GRIP2: variants seen among roughly 807,000 people sequenced by gnomAD.
GRIP2 encodes the protein glutamate receptor-interacting protein 2.
Under a neutral mutation model 108.3 loss-of-function variants are expected in GRIP2, and 58 were observed. The ratio of observed to expected loss-of-function variants is 0.54; its 90% CI spans 0.43 to 0.67. The LOEUF (loss-of-function observed/expected upper bound fraction) is 0.67. Among genes scored for constraint, GRIP2 ranks in the 30% least tolerant of loss-of-function variants. GRIP2 has a pLI of 0.00. For missense variants in GRIP2, 1,278 were observed against 1,430.6 expected (o/e 0.89, Z 1.72); for synonymous variants, 586 against 598.2 (o/e 0.98, Z 0.30).
In GRIP2 at chr3:14,521,729, C is replaced by T. The variant is rs547645503; in HGVS notation, c.625G>A (p.Gly209Arg). 65 of 1,610,280 alleles carry T rather than the reference C, an allele frequency of 4.0e-5. No individual in the cohort carries two copies. Among genetic ancestry groups the T allele is most frequent in the African/African-American group, 2.4e-4 (18 of 75,016 alleles). ...LLSVDGIPLH[G>R]ASHATALATL... ...GCCAGGGCGGTGGCATGGCTGGCCC[C>T]GTGCAGCGGGATTCCATCGACACTG... Residue 209 changes from glycine (G) to arginine (R), a missense_variant, in exon 7 of 24, where the codon GGG becomes AGG. By Grantham distance (125) the Gly-to-Arg change is moderately radical. Coordinates refer to ENST00000621039, the MANE Select transcript of GRIP2 (RefSeq NM_001080423.4). The surrounding 1 kb of genome is among the most constrained non-coding windows in gnomAD (Gnocchi z 5.1).
chr3:14,520,750 G>A (rs1355179188), intron 7 of GRIP2: 1 of 595,012 alleles, frequency 1.7e-6, no homozygotes, highest in Non-Finnish European at 2.9e-6. Flanking sequence ...GGAGGGGCAG[G>A]AGCTCAGGTC....
chr3:14,506,570 C>A (rs1693933212), intron 19 of GRIP2, among the ~76,000 whole-genome samples: 1 of 152,196 alleles, frequency 6.6e-6, no homozygotes. Context: ...CAGCATGGGA[C>A]CCATGGTTCT....
chr3:14,527,802 C>T (rs531058495), intron 1 of GRIP2, among the ~76,000 whole-genome samples: 11 of 151,996 alleles, frequency 7.2e-5, no homozygotes, highest in South Asian at 2.1e-4. Context: ...AGGCTGAGGC[C>T]GGAGAATCGC....
At chr3:14,592,015 G>A in the GRIP2 span, among the ~76,000 whole-genome samples, 2 of 152,286 alleles carry the variant, frequency 1.3e-5, no homozygotes, top group East Asian at 3.9e-4. Context: ...CTGATGTCTG[G>A]CACATAGCAG....
At chr3:14,497,255 T>C (rs6783212) in intron 21 of GRIP2, among the ~76,000 whole-genome samples, 122,685 of 152,236 alleles carry the variant, frequency 0.81, 49,966 homozygotes, top group African/African-American at 0.92. Context: ...GCGTGAGCCA[T>C]CATGCCCAGC....
the GRIP2 span, among the ~76,000 whole-genome samples, chr3:14,597,215 G>T: frequency 6.6e-6 from 1 of 152,210 alleles, no homozygotes; most frequent in Admixed American, 6.5e-5. Flanking sequence ...GTGTAAACAG[G>T]TGAAAACCAC....
chr3:14,545,728 C>T (rs113638665), upstream of GRIP2, among the ~76,000 whole-genome samples: 51 of 152,206 alleles, frequency 3.4e-4, no homozygotes, highest in African/African-American at 1.2e-3. Flanking sequence ...AGTGAATGAG[C>T]GAAACACCTA....
Position 14,493,457 on chromosome 3 carries a change from A to G in GRIP2, c.*208T>C, listed in dbSNP as rs1001441708. 5 of 601,814 alleles carry G rather than the reference A, an allele frequency of 8.3e-6. No individual in the cohort carries two copies. Among genetic ancestry groups the G allele is most frequent in the Non-Finnish European group, 1.4e-5 (5 of 359,452 alleles). The allele number at this position is 601,814 out of a possible 1,614,324, so 37.3% of individuals were successfully genotyped here. On this transcript the variant is annotated 3_prime_UTR_variant, in exon 24 of 24. Coordinates refer to ENST00000621039, the MANE Select transcript of GRIP2 (RefSeq NM_001080423.4). ...GAGACCCAACTTGGCGAGAGACCCCAGCTGTCACTCCAACTAGGGCAGGAC... is the reference window on the plus strand; with the variant it reads ...GAGACCCAACTTGGCGAGAGACCCCGGCTGTCACTCCAACTAGGGCAGGAC...
upstream of GRIP2, among the ~76,000 whole-genome samples, chr3:14,543,324 C>T (rs1695007992): frequency 6.6e-6 from 1 of 152,212 alleles, no homozygotes; most frequent in Admixed American, 6.5e-5. Context: ...TCAGGTGATG[C>T]ATATGAAGTT....
chr3:14,547,711 G>T (rs950245160), intron 1 of GRIP2, among the ~76,000 whole-genome samples: 2 of 152,160 alleles, frequency 1.3e-5, no homozygotes, highest in African/African-American at 4.8e-5. Context: ...CTCAGGGGCT[G>T]CTCTGACTGT....
chr3:14,541,459 C>G (rs920592726), upstream of GRIP2, among the ~76,000 whole-genome samples: 1 of 152,194 alleles, frequency 6.6e-6, no homozygotes, highest in African/African-American at 2.4e-5. Flanking sequence ...GAGGGCTGCC[C>G]GGTAGTTAGG....
the GRIP2 span, among the ~76,000 whole-genome samples, chr3:14,589,521 C>A: frequency 6.6e-6 from 1 of 152,024 alleles, no homozygotes; most frequent in Non-Finnish European, 1.5e-5. Context: ...CAGGCCAATC[C>A]CCTATAGACA....
At chr3:14,510,255 G>GTTTTTT (rs1559336891) in intron 16 of GRIP2, among the ~76,000 whole-genome samples, 5 of 124,586 alleles carry the variant, frequency 4.0e-5, no homozygotes, top group Non-Finnish European at 3.3e-5. Flanking sequence ...CCGATCATCC[G>GTTTTTT]TTGTTTTTTT....
At chr3:14,513,573 G>A in intron 13 of GRIP2, 92 bp downstream of exon 13, 4 of 1,441,566 alleles carry the variant, frequency 2.8e-6, no homozygotes, top group Non-Finnish European at 3.7e-6. Context: ...AGAGGGGGAT[G>A]GGGTGGAGCG....
chr3:14,547,961 CTT>C (rs749258392), intron 1 of GRIP2, among the ~76,000 whole-genome samples: 4 of 152,186 alleles, frequency 2.6e-5, no homozygotes, highest in Non-Finnish European at 4.4e-5. Flanking sequence ...GTCAGTATCT[CTT>C]ATAAAAGGGA....
chr3:14,543,459 TAG>T (rs1305774555), upstream of GRIP2, among the ~76,000 whole-genome samples: 1 of 152,288 alleles, frequency 6.6e-6, no homozygotes, highest in East Asian at 1.9e-4. Flanking sequence ...AGGCTGACAG[TAG>T]GTGAGAGAAG....
chr3:14,547,082 C>T (rs942670552), intron 1 of GRIP2, among the ~76,000 whole-genome samples: 6 of 152,026 alleles, frequency 3.9e-5, no homozygotes, highest in South Asian at 2.1e-4. Context: ...GACTGCACAC[C>T]GTGTTGTGTG....
intron 1 of GRIP2, among the ~76,000 whole-genome samples, chr3:14,531,255 C>T (rs902772179): frequency 6.6e-6 from 1 of 152,186 alleles, no homozygotes; most frequent in African/African-American, 2.4e-5. Context: ...ACTGGCCAGA[C>T]CTCCCTTACA....
the GRIP2 span, among the ~76,000 whole-genome samples, chr3:14,580,462 G>A: frequency 6.6e-6 from 1 of 152,200 alleles, no homozygotes; most frequent in Admixed American, 6.5e-5. Context: ...TTAGGAAGCC[G>A]AGGTGGGAGG....
Sources: gnomAD v4.1 joint callset for allele counts (sites outside exome capture counted in the v4.1 genomes callset) on GRCh38, gnomAD v4.1.1 for gene constraint, Gnocchi (gnomAD v3.1) non-coding constraint, MANE v1.5 for transcripts, NCBI Gene and HGNC (gene_info 2026-07-23, HGNC 2026-07-21) for gene names.